The following ATRNL1 variants were observed in gnomAD, a reference collection of about 807,000 sequenced individuals.
ATRNL1 encodes the protein attractin like 1.
A neutral mutation model predicts 182.7 loss-of-function variants in ATRNL1; 95 were observed. That is an observed-to-expected ratio of 0.52 (90% CI 0.44 to 0.62). ATRNL1 has a LOEUF of 0.62. ATRNL1 is among the 20% of genes least tolerant of loss of function. The pLI is 0.00. For missense variants in ATRNL1, 1,471 were observed against 1,679.5 expected (o/e 0.88, Z 2.17); for synonymous variants, 576 against 568.3 (o/e 1.01, Z -0.19).
At chr10:115,801,542 A>G (rs1184128957) in intron 27 of ATRNL1, among the ~76,000 whole-genome samples, 2 of 152,122 alleles carry the variant, frequency 1.3e-5, no homozygotes, top group African/African-American at 4.8e-5. Context: ...GTGGTTAACC[A>G]TTGTTCACTT....
At chr10:115,515,861 T>C (rs1850611363) in intron 24 of ATRNL1, among the ~76,000 whole-genome samples, 1 of 151,920 alleles carries the variant, frequency 6.6e-6, no homozygotes. Context: ...AATCAACCAC[T>C]ACTTTCTTCT....
intron 26 of ATRNL1, among the ~76,000 whole-genome samples, chr10:115,565,264 A>G (rs1555001347): frequency 6.6e-6 from 1 of 152,082 alleles, no homozygotes; most frequent in African/African-American, 2.4e-5. Context: ...AAGCTAAATT[A>G]CAGTCTTAGA....
intron 27 of ATRNL1, among the ~76,000 whole-genome samples, chr10:115,733,053 G>A (rs1555063724): frequency 2.2e-4 from 33 of 152,036 alleles, no homozygotes; most frequent in Non-Finnish European, 1.5e-5. Flanking sequence ...TATATTAGAA[G>A]TTTCTTATAA....
chr10:115,372,507 G>T (rs1724599009), intron 19 of ATRNL1, among the ~76,000 whole-genome samples: 1 of 152,028 alleles, frequency 6.6e-6, no homozygotes, highest in Non-Finnish European at 1.5e-5. Flanking sequence ...AATTTTCAGG[G>T]ATTACCTTTA....
At chr10:115,742,077 G>A (rs2532698) in intron 27 of ATRNL1, among the ~76,000 whole-genome samples, 144,705 of 152,266 alleles carry the variant, frequency 0.95, 69,172 homozygotes, top group East Asian at 1. Flanking sequence ...TGGCTTTTGA[G>A]GAAGTAATTT....
chr10:115,737,197 A>G (rs1405964855), intron 27 of ATRNL1, among the ~76,000 whole-genome samples: 1 of 151,724 alleles, frequency 6.6e-6, no homozygotes, highest in Admixed American at 6.6e-5. Flanking sequence ...AGGCCTAGGC[A>G]GGAGGATTCC....
At chr10:115,365,646 T>G (rs1856995049) in intron 19 of ATRNL1, among the ~76,000 whole-genome samples, 1 of 151,302 alleles carries the variant, frequency 6.6e-6, no homozygotes, top group South Asian at 2.1e-4. Context: ...CTGCTTTCTC[T>G]TGTGGGCATT....
intron 8 of ATRNL1, among the ~76,000 whole-genome samples, chr10:115,187,464 C>T (rs555092945): frequency 5.9e-5 from 9 of 151,962 alleles, no homozygotes; most frequent in Non-Finnish European, 1.0e-4. Context: ...CACTGGTGCA[C>T]AACATGGTGA....
At chr10:115,094,107 C>G (rs1419578785) in intron 1 of ATRNL1, 64 bp downstream of exon 1, 3 of 1,296,546 alleles carry the variant, frequency 2.3e-6, no homozygotes, top group Non-Finnish European at 3.0e-6. Flanking sequence ...GCCTTCCCCG[C>G]CCCCCTCGCG....
In ATRNL1 at chr10:115,848,649, C is replaced by T. The variant is rs1334993754; in HGVS notation, c.4018+658C>T. ...TGTCCTCTTAGAGCTCTGCTCATTGCGATGGTGTTGTCCACATTCTAAGCA... is the reference window on the plus strand; with the variant it reads ...TGTCCTCTTAGAGCTCTGCTCATTGTGATGGTGTTGTCCACATTCTAAGCA... On this transcript the variant is annotated intron_variant, in intron 28 of 28. Transcript: ENST00000355044. 2.0e-5 allele frequency among the ~76,000 whole-genome samples: 3 copies of T among 152,248 alleles called. No homozygotes were observed. The East Asian group carries it at 5.8e-4, about 29-fold the overall frequency.
intron 19 of ATRNL1, among the ~76,000 whole-genome samples, chr10:115,389,571 T>TATAC (rs1843899032): frequency 8.4e-6 from 1 of 119,348 alleles, no homozygotes; most frequent in Middle Eastern, 3.6e-3. Flanking sequence ...TATATATATA[T>TATAC]ATATATATAT....
chr10:115,767,992 C>T (rs1438124185), intron 27 of ATRNL1, among the ~76,000 whole-genome samples: 2 of 152,120 alleles, frequency 1.3e-5, no homozygotes, highest in Non-Finnish European at 2.9e-5. Context: ...CTCTTCCAGA[C>T]CACAGATTTA....
At chr10:115,215,531 C>G (rs904218794) in intron 8 of ATRNL1, among the ~76,000 whole-genome samples, 166 bp from the exon 9 acceptor site, 30 of 152,058 alleles carry the variant, frequency 2.0e-4, no homozygotes, top group African/African-American at 7.2e-4. Context: ...CAGCACCTAA[C>G]CTGGCACATA....
chr10:115,554,971 C>T (rs1236533689), intron 26 of ATRNL1, among the ~76,000 whole-genome samples: 1 of 151,624 alleles, frequency 6.6e-6, no homozygotes, highest in Non-Finnish European at 1.5e-5. Context: ...AAAATCTTAT[C>T]TGTATTATAT....
At chr10:115,659,673 A>G (rs1423294273) in intron 26 of ATRNL1, among the ~76,000 whole-genome samples, 2 of 152,092 alleles carry the variant, frequency 1.3e-5, no homozygotes, top group African/African-American at 2.4e-5. Context: ...GTGCTATGGA[A>G]CTTCATAAAA....
intron 26 of ATRNL1, 83 bp downstream of exon 26, chr10:115,549,619 C>G (rs1852851340): frequency 1.1e-6 from 1 of 879,666 alleles, no homozygotes; most frequent in South Asian, 2.5e-5. Context: ...ACCATGCTCT[C>G]TTGGAATGCA....
At chr10:115,648,048 A>G (rs1319880280) in intron 26 of ATRNL1, among the ~76,000 whole-genome samples, 3 of 152,188 alleles carry the variant, frequency 2.0e-5, no homozygotes, top group Non-Finnish European at 2.9e-5. Flanking sequence ...TTTATTAAAT[A>G]GGGAATTTTT....
chr10:115,283,618 G>T (rs1852474739), intron 14 of ATRNL1, among the ~76,000 whole-genome samples: 1 of 152,142 alleles, frequency 6.6e-6, no homozygotes, highest in Non-Finnish European at 1.5e-5. Flanking sequence ...AGTGGTATTG[G>T]TCTCTCAGAA....
chr10:115,294,248 C>T (rs1315224299), intron 15 of ATRNL1, among the ~76,000 whole-genome samples: 2 of 152,160 alleles, frequency 1.3e-5, no homozygotes, highest in Admixed American at 6.5e-5. Flanking sequence ...ACTTGGGACA[C>T]TGAAGTAGGA....
Sources: gnomAD v4.1 joint callset for allele counts (sites outside exome capture counted in the v4.1 genomes callset) on GRCh38, gnomAD v4.1.1 for gene constraint, MANE v1.5 for transcripts, NCBI Gene and HGNC (gene_info 2026-07-23, HGNC 2026-07-21) for gene names.